The following CEMIP variants were observed in gnomAD, a reference collection of about 807,000 sequenced individuals.
CEMIP encodes the protein cell migration-inducing and hyaluronan-binding protein.
CEMIP carries 105 observed loss-of-function variants against 156.9 expected under a neutral mutation model. That is an observed-to-expected ratio of 0.67 (90% confidence interval 0.57 to 0.79). CEMIP has a LOEUF of 0.79. Ranked by LOEUF, CEMIP falls within the 30% of genes least tolerant of loss-of-function variation. The probability of loss-of-function intolerance (pLI) is 0.00; values close to 1 mark genes in which losing one functional copy is unlikely to be tolerated. For synonymous variants in CEMIP, 676 were observed against 668.4 expected (o/e 1.01, Z -0.17); for missense variants, 1,457 against 1,769.4 (o/e 0.82, Z 3.17).
intron 14 of CEMIP, among the ~76,000 whole-genome samples, chr15:80,919,353 C>T (rs544332358): frequency 6.6e-6 from 1 of 152,314 alleles, no homozygotes; most frequent in Non-Finnish European, 1.5e-5. Context: ...CACGGTAAGT[C>T]CTTGTACACA....
intron 12 of CEMIP, among the ~76,000 whole-genome samples, chr15:80,903,608 G>A (rs986070718): frequency 6.6e-6 from 1 of 152,162 alleles, no homozygotes; most frequent in Non-Finnish European, 1.5e-5. Flanking sequence ...ACTGGTAAAC[G>A]GGGAGCTGAG....
intron 1 of CEMIP, among the ~76,000 whole-genome samples, chr15:80,854,285 A>T (rs1215897865): frequency 6.6e-6 from 1 of 152,234 alleles, no homozygotes; most frequent in East Asian, 1.9e-4. Flanking sequence ...AGCTCTGCAA[A>T]TGTAGCCAGA....
In CEMIP at chr15:80,906,627, C is replaced by T. The variant is rs1596179535; in HGVS notation, c.1412-36C>T. 6.3e-7 allele frequency: 1 copy of T among 1,592,354 alleles called. No individual in the cohort carries two copies. Among genetic ancestry groups the T allele is most frequent in the African/African-American group, 1.3e-5 (1 of 74,726 alleles). On this transcript the variant is annotated intron_variant, in intron 12 of 29. Transcript: ENST00000394685. This position sits in a 1 kb window ranked among gnomAD's most constrained non-coding sequence, Gnocchi z 4.3. ...CCCAGAACTCAGTGGGCATGCAGTACCTGCTGTTGTTTACCGTCCTCCCTT... is the reference window on the plus strand; with the variant it reads ...CCCAGAACTCAGTGGGCATGCAGTATCTGCTGTTGTTTACCGTCCTCCCTT...
Position 80,878,572 on chromosome 15 carries a change from G to C in CEMIP, c.95-149G>C, listed in dbSNP as rs1354391483. On this transcript the variant is annotated intron_variant, in intron 3 of 29. Transcript: ENST00000394685. ...TGGTTCCTGCCTCCTATGTCAGGAG[G>C]TCTCTCAGCTCTCTAAGGTCTTGCT... The C allele has an allele frequency of 6.0e-5, 56 of 938,114 alleles. 1 individual carries two copies. The South Asian group carries it at 7.2e-4, about 12-fold the overall frequency. The allele number at this position is 938,114 out of a possible 1,614,324, so 58.1% of individuals were successfully genotyped here.
At chr15:80,923,009 A>C (rs1900530909) in intron 17 of CEMIP, among the ~76,000 whole-genome samples, 1 of 152,232 alleles carries the variant, frequency 6.6e-6, no homozygotes, top group South Asian at 2.1e-4. Flanking sequence ...GGAACAATAC[A>C]TTCGGAGGCA....
In CEMIP at chr15:80,884,315, C is replaced by A; in HGVS notation, c.758C>A (p.Thr253Asn). ...NLDDMARKAMTKLGSKHFLHL... is the reference protein window; with the variant it reads ...NLDDMARKAMNKLGSKHFLHL... ...GATGACATGGCCAGGAAGGCGATGA[C>A]CAAATTGGGAAGCAAACACTTCCTG... Residue 253 changes from threonine (T) to asparagine (N), a missense_variant, in exon 7 of 30, where the codon ACC (threonine) becomes AAC (asparagine). Transcript: ENST00000394685. 3 of 1,614,182 alleles carry A rather than the reference C, an allele frequency of 1.9e-6. No individual in the cohort carries two copies. Among genetic ancestry groups the A allele is most frequent in the Non-Finnish European group, 2.5e-6 (3 of 1,180,032 alleles).
At chr15:80,890,569 C>T (rs959172028) in intron 10 of CEMIP, among the ~76,000 whole-genome samples, 5 of 146,660 alleles carry the variant, frequency 3.4e-5, no homozygotes, top group South Asian at 2.2e-4. Context: ...CCTGGGTGAC[C>T]GAGCAAGACT....
intron 1 of CEMIP, among the ~76,000 whole-genome samples, chr15:80,835,083 GAGAGA>G (rs1897241731): frequency 3.0e-5 from 1 of 33,734 alleles, no homozygotes; most frequent in African/African-American, 1.2e-4. Context: ...CCTCATTGCA[GAGAGA>G]GAGAGAGAGA....
intron 16 of CEMIP, 135 bp downstream of exon 16, chr15:80,921,236 G>A: frequency 1.2e-6 from 1 of 846,610 alleles, no homozygotes; most frequent in East Asian, 2.7e-5. Context: ...CTTAGCTGTG[G>A]TGAAGAGGAA....
intron 7 of CEMIP, 70 bp from the exon 8 acceptor site, chr15:80,887,624 C>G: frequency 8.2e-7 from 1 of 1,214,534 alleles, no homozygotes; most frequent in Non-Finnish European, 1.2e-6. Flanking sequence ...TCTGCCCCAT[C>G]CCCCCACACT....
chr15:80,899,122 A>C (rs979030048), intron 12 of CEMIP, among the ~76,000 whole-genome samples: 2 of 151,774 alleles, frequency 1.3e-5, no homozygotes, highest in African/African-American at 4.8e-5. Flanking sequence ...CTGAGGCAGG[A>C]GAATCACTTG....
intron 1 of CEMIP, among the ~76,000 whole-genome samples, chr15:80,828,482 A>G (rs983415719): frequency 6.6e-6 from 1 of 152,210 alleles, no homozygotes; most frequent in African/African-American, 2.4e-5. Context: ...AAGGCAATAC[A>G]CAATTTGAAT....
intron 1 of CEMIP, among the ~76,000 whole-genome samples, chr15:80,782,000 G>A (rs529501734): frequency 2.7e-5 from 4 of 150,532 alleles, no homozygotes; most frequent in Non-Finnish European, 5.9e-5. Context: ...TGGAATTGAT[G>A]AAAATGCTGG....
At chr15:80,838,427 T>C (rs1897313482) in intron 1 of CEMIP, among the ~76,000 whole-genome samples, 1 of 152,140 alleles carries the variant, frequency 6.6e-6, no homozygotes, top group Non-Finnish European at 1.5e-5. Context: ...AAAATCTGCC[T>C]AGTGGTTCTG....
rs770800701 is a variant in CEMIP, at chr15:80,889,575, C to T, written c.1069C>T (p.Arg357Cys). 2.0e-5 allele frequency: 32 copies of T among 1,613,978 alleles called. No homozygotes were observed. The highest frequency in any genetic ancestry group is 9.3e-5 in the African/African-American group (7 of 74,912). ...AGCTCACCCAGGAAAAATATGCAATCGTCCCATTGATATACAGGTACCAAA... is the reference window on the plus strand; with the variant it reads ...AGCTCACCCAGGAAAAATATGCAATTGTCCCATTGATATACAGGTACCAAA... ...WKAHPGKICNRPIDIQATTMD... is the reference protein window; with the variant it reads ...WKAHPGKICNCPIDIQATTMD... Residue 357 changes from arginine (R) to cysteine (C), a missense_variant, in exon 10 of 30, where the codon CGT becomes TGT. This residue lies in a region of CEMIP where 280 missense variants were observed against 300.3 expected (regional missense o/e 0.93). Transcript: ENST00000394685.
chr15:80,900,638 G>GTGTGTGTGTGTGTGTCTGTGTGTC (rs1567090910), intron 12 of CEMIP, among the ~76,000 whole-genome samples: 51 of 101,936 alleles, frequency 5.0e-4, no homozygotes, highest in Non-Finnish European at 8.1e-4. Flanking sequence ...GTGTGTGTGT[G>GTGTGTGTGTGTGTGTCTGTGTGTC]TGTGTGTGTG....
At chr15:80,899,807 T>G (rs1312727429) in intron 12 of CEMIP, among the ~76,000 whole-genome samples, 1 of 152,184 alleles carries the variant, frequency 6.6e-6, no homozygotes, top group Non-Finnish European at 1.5e-5. Context: ...TCCTAATGAT[T>G]GTTAAACCCT....
At chr15:80,803,019 A>G (rs1286307078) in intron 1 of CEMIP, among the ~76,000 whole-genome samples, 1 of 152,200 alleles carries the variant, frequency 6.6e-6, no homozygotes, top group Non-Finnish European at 1.5e-5. Flanking sequence ...CTAGAAGTCC[A>G]AGCTCAGGAT....
chr15:80,902,084 C>A (rs1449807249), intron 12 of CEMIP, among the ~76,000 whole-genome samples: 2 of 152,226 alleles, frequency 1.3e-5, no homozygotes, highest in African/African-American at 2.4e-5. Flanking sequence ...TAGGTCTGAG[C>A]TACATGTGCA....
Sources: gnomAD v4.1 joint callset for allele counts (sites outside exome capture counted in the v4.1 genomes callset) on GRCh38, gnomAD v4.1.1 for gene constraint, gnomAD v4.1.1 regional missense constraint, Gnocchi (gnomAD v3.1) non-coding constraint, MANE v1.5 for transcripts, NCBI Gene and HGNC (gene_info 2026-07-23, HGNC 2026-07-21) for gene names.